Variants in LAPTM4B observed in about 807,000 individuals in gnomAD.
LAPTM4B encodes lysosomal protein transmembrane 4 beta.
In LAPTM4B, 26 loss-of-function variants were observed where a neutral mutation model predicts 28.5. That is an observed-to-expected ratio of 0.91 (90% confidence interval 0.67 to 1.27). LAPTM4B has a LOEUF of 1.27. Among genes scored for constraint, LAPTM4B ranks in the 50% most tolerant of loss-of-function variants. LAPTM4B has a pLI of 0.00. For synonymous variants in LAPTM4B, 109 were observed against 106.4 expected, an observed-to-expected ratio of 1.02 and a Z score of -0.15; for missense variants, 288 against 285.8, an observed-to-expected ratio of 1.01 and a Z score of -0.06.
chr8:97,850,250 A>T (rs1192072752), intron 6 of LAPTM4B, among the ~76,000 whole-genome samples: 1 of 151,950 alleles, frequency 6.6e-6, no homozygotes, highest in African/African-American at 2.4e-5. Flanking sequence ...GACCCTAGCC[A>T]GTACAGGTGC....
chr8:97,800,009 C>A (rs1816646681), intron 1 of LAPTM4B, among the ~76,000 whole-genome samples: 1 of 152,020 alleles, frequency 6.6e-6, no homozygotes, highest in Non-Finnish European at 1.5e-5. Flanking sequence ...CCCTGCAACC[C>A]CTGACTGTAA....
chr8:97,802,107 A>G (rs1307715542), intron 1 of LAPTM4B, among the ~76,000 whole-genome samples: 1 of 152,180 alleles, frequency 6.6e-6, no homozygotes, highest in African/African-American at 2.4e-5. Context: ...TGGAAAGGGG[A>G]TCCAGACCCC....
In LAPTM4B at chr8:97,775,979, C is replaced by A. The variant is rs757720337; in HGVS notation, c.-31C>A. ...GGCGGTCGACGCTCCTGAAAACTTG[C>A]GCGCGCGCTCGCGCCACTGCGCCCG... is the stretch of plus-strand genomic sequence containing the variant. On this transcript the variant is annotated 5_prime_UTR_variant, in exon 1 of 7. Coordinates refer to ENST00000521545, the MANE Select transcript of LAPTM4B (RefSeq NM_018407.6). The A allele has an allele frequency of 4.5e-6, 7 of 1,552,894 alleles. No individual in the cohort carries two copies. Among genetic ancestry groups the A allele is most frequent in the Non-Finnish European group, 4.3e-6 (5 of 1,157,488 alleles).
intron 5 of LAPTM4B, among the ~76,000 whole-genome samples, chr8:97,824,840 T>A (rs1563616265): frequency 6.6e-6 from 1 of 150,844 alleles, no homozygotes; most frequent in Non-Finnish European, 1.5e-5. Context: ...ATACCCCCAT[T>A]GGTGTAATAG....
chr8:97,846,124 G>C (rs768854276), intron 6 of LAPTM4B, among the ~76,000 whole-genome samples: 3 of 150,964 alleles, frequency 2.0e-5, no homozygotes, highest in Non-Finnish European at 4.4e-5. Flanking sequence ...AAAAGTGTTG[G>C]AGTTACAGGT....
intron 6 of LAPTM4B, among the ~76,000 whole-genome samples, chr8:97,844,085 T>G (rs1817392997): frequency 6.7e-6 from 1 of 149,264 alleles, no homozygotes; most frequent in Non-Finnish European, 1.5e-5. Context: ...TGCGTGATGA[T>G]TTTTGGGGGT....
intron 1 of LAPTM4B, among the ~76,000 whole-genome samples, chr8:97,787,589 C>G (rs1816424286): frequency 6.6e-6 from 1 of 152,134 alleles, no homozygotes; most frequent in South Asian, 2.1e-4. Context: ...TGGCCGATTT[C>G]TTTTAACAGA....
chr8:97,818,565 C>T (rs1057415303), intron 4 of LAPTM4B, among the ~76,000 whole-genome samples: 2 of 152,124 alleles, frequency 1.3e-5, no homozygotes, highest in African/African-American at 4.8e-5. Context: ...TTGATTATTT[C>T]CCCCCACCCT....
intron 1 of LAPTM4B, among the ~76,000 whole-genome samples, chr8:97,781,155 A>G (rs1475182061): frequency 6.8e-6 from 1 of 147,710 alleles, no homozygotes. Context: ...TAATTTTTGT[A>G]TTTTTAGTAG....
intron 1 of LAPTM4B, among the ~76,000 whole-genome samples, chr8:97,798,066 A>G (rs887935658): frequency 6.6e-6 from 1 of 152,234 alleles, no homozygotes; most frequent in South Asian, 2.1e-4. Context: ...AACTGTGGGC[A>G]TTATGTATTC....
chr8:97,798,897 C>T (rs556395381), intron 1 of LAPTM4B, among the ~76,000 whole-genome samples: 10 of 152,328 alleles, frequency 6.6e-5, no homozygotes, highest in African/African-American at 2.2e-4. Context: ...GGACATCCTG[C>T]AGTACTTTCA....
At chr8:97,795,457 T>C (rs928934727) in intron 1 of LAPTM4B, among the ~76,000 whole-genome samples, 5 of 152,178 alleles carry the variant, frequency 3.3e-5, no homozygotes, top group Admixed American at 3.3e-4. Context: ...ACGTAAAATA[T>C]AAACAGCTAA....
rs554058157 is a variant in LAPTM4B, at chr8:97,834,144, GA to G, written c.603+9005del. On this transcript the variant is annotated intron_variant, in intron 6 of 6. Coordinates refer to ENST00000521545, the MANE Select transcript of LAPTM4B (RefSeq NM_018407.6). ...ACATAGTGAGACCCCTGTCTCTACA[GA>G]AAAAAAAAAAAAATCCAGGTGGCAT... Among the ~76,000 whole-genome samples the G allele has an allele frequency of 8.6e-3, 646 of 75,300 alleles. 71 individuals carry two copies. The highest frequency in any genetic ancestry group is 0.024 in the African/African-American group (559 of 23,752). 49.4% of individuals were successfully genotyped at this position (75,300 alleles called of 152,430 possible).
chr8:97,825,185 C>T lies in LAPTM4B; in HGVS notation c.603+32C>T, dbSNP rs141880492. ...ATGATGTCACTTATGGTAGAGATCT[C>T]GCCCACACCTTTACTGTATGCTGAT... On this transcript the variant is annotated intron_variant, in intron 6 of 6. Transcript: ENST00000521545. 3.8e-3 allele frequency: 4,305 copies of T among 1,125,428 alleles called. 26 individuals carry two copies. Among genetic ancestry groups the T allele is most frequent in the Non-Finnish European group, 3.3e-3 (2,441 of 739,620 alleles). 69.7% of individuals were successfully genotyped at this position (1,125,428 alleles called of 1,614,324 possible).
At chr8:97,777,305 C>CCTAG (rs1199683186) in intron 1 of LAPTM4B, among the ~76,000 whole-genome samples, 1 of 151,762 alleles carries the variant, frequency 6.6e-6, no homozygotes, top group Non-Finnish European at 1.5e-5. Flanking sequence ...CGCCACTATG[C>CCTAG]CTAGCTAATT....
intron 2 of LAPTM4B, 108 bp from the exon 3 acceptor site, chr8:97,815,220 C>G: frequency 2.6e-6 from 2 of 770,508 alleles, no homozygotes; most frequent in Non-Finnish European, 4.5e-6. Context: ...TATTTACTAA[C>G]TTTATGCTAG....
At chr8:97,790,400 C>T (rs575637673) in intron 1 of LAPTM4B, among the ~76,000 whole-genome samples, 2 of 152,030 alleles carry the variant, frequency 1.3e-5, no homozygotes, top group East Asian at 1.9e-4. Flanking sequence ...CAACCTCCAC[C>T]TCCTGGGTTC....
chr8:97,798,544 G>C (rs1586325345), intron 1 of LAPTM4B, among the ~76,000 whole-genome samples: 1 of 152,086 alleles, frequency 6.6e-6, no homozygotes, highest in East Asian at 1.9e-4. Flanking sequence ...CAGGGCACCT[G>C]GACAGGGACT....
intron 1 of LAPTM4B, among the ~76,000 whole-genome samples, chr8:97,777,407 A>G (rs968877701): frequency 6.6e-6 from 1 of 151,902 alleles, no homozygotes; most frequent in African/African-American, 2.4e-5. Context: ...TGGACTCCCA[A>G]AGTGCTGAGA....
Sources: gnomAD v4.1 joint callset for allele counts (sites outside exome capture counted in the v4.1 genomes callset) on GRCh38, gnomAD v4.1.1 for gene constraint, MANE v1.5 for transcripts, NCBI Gene and HGNC (gene_info 2026-07-23, HGNC 2026-07-21) for gene names.